The following PLEKHG1 variants were observed in gnomAD, a reference collection of about 807,000 sequenced individuals.
PLEKHG1 encodes the protein pleckstrin homology domain-containing family G member 1.
Under a neutral mutation model 100.8 loss-of-function variants are expected in PLEKHG1, and 44 were observed. The observed-to-expected ratio is 0.44, with a 90% CI of 0.34 to 0.56. The LOEUF is 0.56. Among genes scored for constraint, PLEKHG1 ranks in the 20% least tolerant of loss-of-function variants. The pLI is 0.01. For missense variants in PLEKHG1, 1,545 were observed against 1,720.9 expected, an observed-to-expected ratio of 0.90 and a Z score of 1.81; for synonymous variants, 640 against 662.5, an observed-to-expected ratio of 0.97 and a Z score of 0.52.
At chr6:150,840,144 G>A in exon 16 of PLEKHG1, 1 of 1,614,230 alleles carries the variant, frequency 6.2e-7, no homozygotes, top group South Asian at 1.1e-5. Context: ...TCAAACCTCT[G>A]ACCCTCTGCC....
At chr6:150,805,620 C>T (rs1366484595) in intron 7 of PLEKHG1, among the ~76,000 whole-genome samples, 1 of 152,018 alleles carries the variant, frequency 6.6e-6, no homozygotes, top group African/African-American at 2.4e-5. Context: ...CTTCGGCTCC[C>T]GGGTTCAAGC....
In PLEKHG1 at chr6:150,666,762, ATT is replaced by A. The variant is rs556659789; in HGVS notation, c.-99+15991_-99+15992del. Reference sequence around the variant, plus strand: ...TGCCATCATACCAGCTGCATTGATAATTTTTTTTTTTTTTTTGAGATGGAGTC... The same window carrying A: ...TGCCATCATACCAGCTGCATTGATAATTTTTTTTTTTTTTGAGATGGAGTC... On this transcript the variant is annotated intron_variant, in intron 3 of 3. Transcript: ENST00000367326. Among the ~76,000 whole-genome samples, 972 of 143,016 alleles carry A rather than the reference ATT, an allele frequency of 6.8e-3. 11 individuals carry two copies. Among genetic ancestry groups the A allele is most frequent in the African/African-American group, 0.023 (911 of 38,968 alleles). 93.8% of individuals were successfully genotyped at this position (143,016 alleles called of 152,430 possible). A position where few individuals can be genotyped will look rare whatever the true frequency, so the allele number is the denominator to read the frequency against.
intron 3 of PLEKHG1, among the ~76,000 whole-genome samples, chr6:150,777,511 A>G (rs1785051055): frequency 6.8e-6 from 1 of 147,770 alleles, no homozygotes; most frequent in Admixed American, 6.8e-5. Context: ...ACTCACACTG[A>G]TGCAATCCTG....
chr6:150,712,195 C>T (rs1337473192), intron 3 of PLEKHG1, among the ~76,000 whole-genome samples: 6 of 152,134 alleles, frequency 3.9e-5, no homozygotes, highest in Admixed American at 3.9e-4. Flanking sequence ...AAGGCTGGAA[C>T]CATGGAGGAG....
At chr6:150,732,720 C>T (rs1014455015) in intron 1 of PLEKHG1, among the ~76,000 whole-genome samples, 4 of 152,166 alleles carry the variant, frequency 2.6e-5, no homozygotes, top group African/African-American at 9.6e-5. Context: ...CGGGTTCAAG[C>T]AATTCTTGTG....
chr6:150,753,705 G>A (rs928645582), intron 2 of PLEKHG1, among the ~76,000 whole-genome samples: 3 of 152,298 alleles, frequency 2.0e-5, no homozygotes, highest in Non-Finnish European at 2.9e-5. Context: ...TGTGCAAAGC[G>A]GGAGTGAGGT....
At chr6:150,794,871 C>A (rs942912898) in intron 4 of PLEKHG1, among the ~76,000 whole-genome samples, 1 of 151,752 alleles carries the variant, frequency 6.6e-6, no homozygotes, top group Non-Finnish European at 1.5e-5. Context: ...TTGAAACTTT[C>A]CATTTTAAAA....
chr6:150,727,357 G>A (rs915962291), intron 1 of PLEKHG1, among the ~76,000 whole-genome samples: 7 of 152,152 alleles, frequency 4.6e-5, no homozygotes, highest in East Asian at 1.9e-4. Context: ...GCCATGGAAC[G>A]TTCTGCATGA....
chr6:150,747,372 G>C (rs1225319804), intron 2 of PLEKHG1, among the ~76,000 whole-genome samples: 1 of 152,188 alleles, frequency 6.6e-6, no homozygotes, highest in Non-Finnish European at 1.5e-5. Flanking sequence ...AGGCAGCCCT[G>C]TTCTGTAACA....
At chr6:150,718,467 TAC>T (rs1781523437), upstream of PLEKHG1, among the ~76,000 whole-genome samples, 1 of 141,302 alleles carries the variant, frequency 7.1e-6, no homozygotes, top group African/African-American at 2.5e-5. Flanking sequence ...TTCTTCCCTT[TAC>T]TTTTTTTTTT....
chr6:150,691,231 C>G (rs1025217693), intron 3 of PLEKHG1, among the ~76,000 whole-genome samples: 10 of 152,184 alleles, frequency 6.6e-5, no homozygotes, highest in Admixed American at 5.9e-4. Flanking sequence ...TTCATTCTCT[C>G]TCCTTTTAAT....
At position 150,832,998 on chromosome 6, in the gene PLEKHG1, G is replaced by A. The variant is rs116685735; in HGVS notation, c.3094+793G>A. Among the ~76,000 whole-genome samples the A allele has an allele frequency of 2.5e-3, 372 of 149,258 alleles. 4 individuals are homozygous for A. The highest frequency in any genetic ancestry group is 8.7e-3 in the African/African-American group (353 of 40,562). On this transcript the variant is annotated intron_variant, in intron 15 of 15. Coordinates refer to ENST00000358517, the Ensembl canonical transcript of PLEKHG1. ...GCCATTGTACTTTCCTTAGTTGCTC[G>A]CACTATAAATCAATGGTTTTCTCAC...
intron 3 of PLEKHG1, among the ~76,000 whole-genome samples, chr6:150,708,690 GTACTT>G (rs1030180877): frequency 1.3e-5 from 2 of 152,126 alleles, no homozygotes; most frequent in African/African-American, 4.8e-5. Flanking sequence ...AGAACTAACT[GTACTT>G]TATATTATCT....
At chr6:150,745,100 G>A (rs1262085359) in intron 2 of PLEKHG1, among the ~76,000 whole-genome samples, 4 of 152,124 alleles carry the variant, frequency 2.6e-5, no homozygotes, top group African/African-American at 7.2e-5. Context: ...CCATTATACA[G>A]GCATCATAGA....
In PLEKHG1 at chr6:150,736,915, T is replaced by C. The variant is rs144490335; in HGVS notation, c.411+2823T>C. 6.7e-3 allele frequency among the ~76,000 whole-genome samples: 1,023 copies of C among 152,082 alleles called. 16 individuals are homozygous for C. Among genetic ancestry groups the C allele is most frequent in the African/African-American group, 0.023 (956 of 41,472 alleles). The stretch of plus-strand genomic sequence containing the variant: ...CCCACTGGAAATCTGAGATGGAAAT[T>C]AGGGGAAGGAGAGGCCCAGAAGGGG... On this transcript the variant is annotated intron_variant, in intron 2 of 15. Coordinates refer to ENST00000358517, the Ensembl canonical transcript of PLEKHG1.
intron 3 of PLEKHG1, among the ~76,000 whole-genome samples, chr6:150,779,460 C>T (rs1331727459): frequency 2.0e-5 from 3 of 151,252 alleles, no homozygotes; most frequent in Non-Finnish European, 4.4e-5. Context: ...ATTCTCCTGC[C>T]TCAGTCTCCC....
At chr6:150,662,029 G>C (rs1340977738) in intron 3 of PLEKHG1, among the ~76,000 whole-genome samples, 1 of 152,170 alleles carries the variant, frequency 6.6e-6, no homozygotes, top group Non-Finnish European at 1.5e-5. Context: ...AGGGAGGGGA[G>C]GGAGAGGCGG....
At chr6:150,631,663 C>T (rs1380105427) in intron 1 of PLEKHG1, among the ~76,000 whole-genome samples, 1 of 152,234 alleles carries the variant, frequency 6.6e-6, no homozygotes, top group African/African-American at 2.4e-5. Flanking sequence ...CAGAACTCTT[C>T]TTTACCTGCT....
chr6:150,772,672 G>T, intron 3 of PLEKHG1, among the ~76,000 whole-genome samples: 1 of 152,290 alleles, frequency 6.6e-6, no homozygotes, highest in East Asian at 1.9e-4. Flanking sequence ...CATGGTGTCA[G>T]CTTACAGGTT....
Sources: gnomAD v4.1 joint callset for allele counts (sites outside exome capture counted in the v4.1 genomes callset) on GRCh38, gnomAD v4.1.1 for gene constraint, MANE v1.5 for transcripts, NCBI Gene and HGNC (gene_info 2026-07-23, HGNC 2026-07-21) for gene names.